Variants in THSD4 observed in about 807,000 individuals in gnomAD.
THSD4 encodes the protein thrombospondin type-1 domain-containing protein 4.
In THSD4, 69 loss-of-function variants were observed where a neutral mutation model predicts 119.0. That is an observed-to-expected ratio of 0.58 (90% CI 0.48 to 0.71). The LOEUF (loss-of-function observed/expected upper bound fraction) is 0.71, where lower values mean the gene tolerates loss of function less well. Among genes scored for constraint, THSD4 ranks in the 30% least tolerant of loss-of-function variants. The probability of loss-of-function intolerance (pLI) is 0.00; values close to 1 mark genes in which losing one functional copy is unlikely to be tolerated. For synonymous variants in THSD4, 524 were observed against 540.4 expected (o/e 0.97, Z 0.42); for missense variants, 1,393 against 1,391.1 (o/e 1.00, Z -0.02).
chr15:71,720,300 C>G (rs554351641), intron 8 of THSD4, among the ~76,000 whole-genome samples: 15 of 152,154 alleles, frequency 9.9e-5, no homozygotes, highest in South Asian at 4.2e-4. Context: ...ATCCGCCCAC[C>G]TAGGCCTCCC....
At chr15:71,107,560 T>A (rs1014110505) in intron 1 of THSD4, among the ~76,000 whole-genome samples, 3 of 152,210 alleles carry the variant, frequency 2.0e-5, no homozygotes, top group Non-Finnish European at 4.4e-5. Flanking sequence ...TTCTTTCCCA[T>A]TGTGTGGTAT....
chr15:71,467,045 T>C (rs184505714), intron 7 of THSD4, among the ~76,000 whole-genome samples: 8 of 152,338 alleles, frequency 5.3e-5, no homozygotes, highest in African/African-American at 1.9e-4. Context: ...TGGAAAGGCC[T>C]AGGAGATCCA....
intron 6 of THSD4, among the ~76,000 whole-genome samples, chr15:71,353,506 A>G (rs1360514978): frequency 2.0e-5 from 3 of 152,208 alleles, no homozygotes; most frequent in Non-Finnish European, 4.4e-5. Flanking sequence ...CTGAGTCTTT[A>G]TAGGATAAGT....
chr15:71,743,983 T>C (rs2053284591), intron 11 of THSD4, among the ~76,000 whole-genome samples: 1 of 152,184 alleles, frequency 6.6e-6, no homozygotes, highest in Non-Finnish European at 1.5e-5. Flanking sequence ...GCAGGAGTTG[T>C]ATACTGGCCT....
At chr15:71,625,588 A>G (rs1483627528) in intron 7 of THSD4, among the ~76,000 whole-genome samples, 1 of 152,246 alleles carries the variant, frequency 6.6e-6, no homozygotes, top group African/African-American at 2.4e-5. Flanking sequence ...GGTTACTGTC[A>G]TTCCCATATC....
intron 7 of THSD4, among the ~76,000 whole-genome samples, chr15:71,645,791 G>A (rs932535595): frequency 6.6e-6 from 1 of 152,212 alleles, no homozygotes; most frequent in African/African-American, 2.4e-5. Flanking sequence ...ATGGATAAGA[G>A]AGAACTCAAA....
intron 8 of THSD4, among the ~76,000 whole-genome samples, chr15:71,686,592 A>C (rs765276134): frequency 6.6e-6 from 1 of 152,134 alleles, no homozygotes; most frequent in South Asian, 2.1e-4. Flanking sequence ...ACCCACAAAC[A>C]CCATATTGCT....
chr15:71,446,554 C>T (rs1246944574), intron 7 of THSD4, among the ~76,000 whole-genome samples: 1 of 152,154 alleles, frequency 6.6e-6, no homozygotes, highest in East Asian at 1.9e-4. Flanking sequence ...GCTGCTTCTG[C>T]CTAGAATGCC....
intron 1 of THSD4, among the ~76,000 whole-genome samples, chr15:71,141,020 G>A (rs530579476): frequency 1.1e-4 from 16 of 152,320 alleles, no homozygotes; most frequent in African/African-American, 3.8e-4. Flanking sequence ...CCATTGTAGC[G>A]TGTATGAGTA....
chr15:71,191,147 G>T (rs1200555782), intron 3 of THSD4, among the ~76,000 whole-genome samples: 1 of 152,014 alleles, frequency 6.6e-6, no homozygotes, highest in Non-Finnish European at 1.5e-5. Context: ...GCTCCTTAGT[G>T]GGAGCATTTC....
intron 3 of THSD4, among the ~76,000 whole-genome samples, chr15:71,166,230 G>A (rs1166848368): frequency 6.6e-6 from 1 of 152,138 alleles, no homozygotes; most frequent in Non-Finnish European, 1.5e-5. Flanking sequence ...TGGGCAGCTG[G>A]CGTATTGGTG....
intron 8 of THSD4, among the ~76,000 whole-genome samples, chr15:71,680,821 T>C (rs1180654749): frequency 6.6e-6 from 1 of 152,226 alleles, no homozygotes; most frequent in Non-Finnish European, 1.5e-5. Context: ...CATAGGGTTA[T>C]TGGGAAGGTT....
In THSD4 at chr15:71,134,607, G is replaced by A. The variant is rs1003792735; in HGVS notation, c.-79-6842G>A. Among the ~76,000 whole-genome samples, 4 of 152,194 alleles carry A rather than the reference G, an allele frequency of 2.6e-5. No homozygotes were observed. The East Asian group carries it at 5.8e-4, about 22-fold the overall frequency. On this transcript the variant is annotated intron_variant, in intron 1 of 17. Coordinates refer to ENST00000261862, the MANE Select transcript of THSD4 (RefSeq NM_024817.3). The stretch of plus-strand genomic sequence containing the variant: ...TTTGTCCAACTGTGATTGCATGCCC[G>A]CCCTGTGTCGGCAGCATGTCTAATG...
chr15:71,432,459 C>G (rs1222454579), intron 7 of THSD4, among the ~76,000 whole-genome samples: 1 of 150,998 alleles, frequency 6.6e-6, no homozygotes, highest in East Asian at 1.9e-4. Flanking sequence ...CTCAGTTTTC[C>G]AAATAATCAA....
At chr15:71,464,309 G>A (rs143994896) in intron 7 of THSD4, among the ~76,000 whole-genome samples, 5 of 152,312 alleles carry the variant, frequency 3.3e-5, no homozygotes, top group African/African-American at 7.2e-5. Flanking sequence ...GAAAGGCGGT[G>A]GGTGGCCATA....
chr15:71,297,481 A>G (rs1304620805), intron 6 of THSD4, among the ~76,000 whole-genome samples: 2 of 152,084 alleles, frequency 1.3e-5, no homozygotes, highest in African/African-American at 2.4e-5. Flanking sequence ...GATTACAGGC[A>G]CGTGCCCCCA....
chr15:71,477,976 TG>T (rs2047676487), intron 7 of THSD4, among the ~76,000 whole-genome samples: 1 of 152,176 alleles, frequency 6.6e-6, no homozygotes, highest in Admixed American at 6.5e-5. Flanking sequence ...GGGGAGGTGG[TG>T]TGCTCAAGCC....
At chr15:71,727,548 AAAAAAATATAT>A (rs2052872110) in intron 8 of THSD4, among the ~76,000 whole-genome samples, 1 of 108,142 alleles carries the variant, frequency 9.2e-6, no homozygotes, top group African/African-American at 4.3e-5. Context: ...AAAAAAAAAA[AAAAAAATATAT>A]ATATATATAT....
intron 16 of THSD4, among the ~76,000 whole-genome samples, chr15:71,768,727 G>A (rs1240040436): frequency 2.7e-5 from 4 of 150,834 alleles, no homozygotes; most frequent in South Asian, 2.1e-4. Flanking sequence ...ACCATGCACG[G>A]CTAATTTTTT....
Sources: gnomAD v4.1 joint callset for allele counts (sites outside exome capture counted in the v4.1 genomes callset) on GRCh38, gnomAD v4.1.1 for gene constraint, MANE v1.5 for transcripts, NCBI Gene and HGNC (gene_info 2026-07-23, HGNC 2026-07-21) for gene names.